The following KCNN2 variants were observed in gnomAD, a reference collection of about 807,000 sequenced individuals.
KCNN2 encodes the protein potassium calcium-activated channel subfamily N member 2.
In KCNN2, 24 loss-of-function variants were observed where a neutral mutation model predicts 55.5. The observed-to-expected ratio is 0.43, with a 90% CI of 0.31 to 0.61. The LOEUF is 0.61. KCNN2 is among the 20% of genes least tolerant of loss of function. KCNN2 has a pLI of 0.08. For missense variants in KCNN2, 754 were observed against 853.6 expected (o/e 0.88, Z 1.45); for synonymous variants, 431 against 336.1 (o/e 1.28, Z -3.09).
At chr5:114,452,152 A>G (rs1760721284) in intron 3 of KCNN2, among the ~76,000 whole-genome samples, 1 of 152,200 alleles carries the variant, frequency 6.6e-6, no homozygotes, top group African/African-American at 2.4e-5. Context: ...ACATTCTCAT[A>G]CGTTCTATAA....
At chr5:114,313,014 T>C (rs1408273647) in intron 2 of KCNN2, among the ~76,000 whole-genome samples, 2 of 152,142 alleles carry the variant, frequency 1.3e-5, no homozygotes, top group Non-Finnish European at 2.9e-5. Flanking sequence ...CTCTGGAACC[T>C]TGTTTTGATC....
At chr5:114,459,231 T>C (rs1377422211) in intron 3 of KCNN2, among the ~76,000 whole-genome samples, 1 of 152,220 alleles carries the variant, frequency 6.6e-6, no homozygotes, top group Non-Finnish European at 1.5e-5. Flanking sequence ...AAAGTCCTCA[T>C]TTTAAAAGCT....
intron 5 of KCNN2, among the ~76,000 whole-genome samples, chr5:114,478,056 C>T (rs1356689792): frequency 6.6e-6 from 1 of 152,122 alleles, no homozygotes; most frequent in Non-Finnish European, 1.5e-5. Flanking sequence ...CTACAACATT[C>T]ACCCAGGCCT....
chr5:114,316,501 C>T (rs569802512), intron 2 of KCNN2, among the ~76,000 whole-genome samples: 1 of 152,284 alleles, frequency 6.6e-6, no homozygotes, highest in South Asian at 2.1e-4. Context: ...CATTGCCCAG[C>T]TGGGGAGAAG....
At chr5:114,339,244 G>A (rs924705831) in intron 2 of KCNN2, among the ~76,000 whole-genome samples, 4 of 152,236 alleles carry the variant, frequency 2.6e-5, no homozygotes, top group African/African-American at 9.6e-5. Context: ...CGTGAAGGCT[G>A]AGGTCTTGTC....
At chr5:114,471,160 G>C (rs1399119367) in intron 4 of KCNN2, among the ~76,000 whole-genome samples, 2 of 152,072 alleles carry the variant, frequency 1.3e-5, no homozygotes, top group Non-Finnish European at 2.9e-5. Context: ...TCACAAATAA[G>C]AATATACAGT....
chr5:114,311,556 C>G (rs1458760641), intron 2 of KCNN2, among the ~76,000 whole-genome samples: 1 of 152,036 alleles, frequency 6.6e-6, no homozygotes, highest in Admixed American at 6.6e-5. Context: ...GAAAATTATT[C>G]TCATGTCATC....
intron 2 of KCNN2, chr5:114,253,872 T>C (rs988275026): frequency 2.6e-5 from 4 of 152,236 alleles, no homozygotes; most frequent in African/African-American, 9.6e-5. Flanking sequence ...GATTGTTAGA[T>C]GTATATTAAA....
intron 2 of KCNN2, among the ~76,000 whole-genome samples, chr5:114,291,443 G>A (rs568317551): frequency 3.3e-5 from 5 of 151,490 alleles, no homozygotes; most frequent in East Asian, 1.9e-4. Context: ...GGCAGTGTTC[G>A]GTTTTTTGTC....
chr5:114,355,634 G>GT (rs1183461764), intron 2 of KCNN2, among the ~76,000 whole-genome samples: 3 of 152,208 alleles, frequency 2.0e-5, no homozygotes, highest in African/African-American at 7.2e-5. Flanking sequence ...AGGAGAAGCA[G>GT]TGAGAGGACA....
At chr5:114,203,460 CA>C (rs1441985325) in intron 1 of KCNN2, among the ~76,000 whole-genome samples, 1 of 152,154 alleles carries the variant, frequency 6.6e-6, no homozygotes, top group Non-Finnish European at 1.5e-5. Context: ...TTCATCAGTG[CA>C]AATATAAATT....
chr5:114,378,299 A>G (rs937550949), intron 2 of KCNN2, among the ~76,000 whole-genome samples: 13 of 152,222 alleles, frequency 8.5e-5, no homozygotes, highest in African/African-American at 2.9e-4. Context: ...GCAAAATGAA[A>G]AATATTTGCT....
At chr5:114,482,939 T>C (rs1020739227) in intron 5 of KCNN2, among the ~76,000 whole-genome samples, 3 of 152,008 alleles carry the variant, frequency 2.0e-5, no homozygotes, top group African/African-American at 7.3e-5. Context: ...CTGGGTTTAA[T>C]AGCTGGGTGA....
intron 2 of KCNN2, among the ~76,000 whole-genome samples, chr5:114,289,568 G>T (rs1253219821): frequency 2.0e-5 from 3 of 151,952 alleles, no homozygotes; most frequent in Non-Finnish European, 4.4e-5. Flanking sequence ...GTCTAAATGG[G>T]GTTTCACCAT....
At chr5:114,286,233 C>T (rs374735102) in intron 2 of KCNN2, among the ~76,000 whole-genome samples, 130 of 152,132 alleles carry the variant, frequency 8.5e-4, no homozygotes, top group South Asian at 3.7e-3. Context: ...AGATCAGGAG[C>T]CACCAATGCA....
chr5:114,237,387 C>T (rs1754524714), intron 2 of KCNN2, among the ~76,000 whole-genome samples: 2 of 152,000 alleles, frequency 1.3e-5, no homozygotes, highest in South Asian at 4.1e-4. Flanking sequence ...ACATGTAAGC[C>T]CCTAGAACTT....
At chr5:114,138,389 G>C (rs1303468855) in intron 1 of KCNN2, among the ~76,000 whole-genome samples, 1 of 152,072 alleles carries the variant, frequency 6.6e-6, no homozygotes, top group Non-Finnish European at 1.5e-5. Context: ...ACCTAGAGGG[G>C]TTTAATATTT....
intron 2 of KCNN2, among the ~76,000 whole-genome samples, chr5:114,346,761 T>G (rs1403442559): frequency 9.6e-6 from 1 of 104,116 alleles, no homozygotes; most frequent in African/African-American, 3.5e-5. Context: ...GTTTTTAAAT[T>G]CATTCTCCAA....
At chr5:114,057,817 A>C (rs764814679) in intron 1 of KCNN2, among the ~76,000 whole-genome samples, 14 of 152,226 alleles carry the variant, frequency 9.2e-5, no homozygotes, top group Non-Finnish European at 1.3e-4. Context: ...TACCTTTAGT[A>C]ATCATGGAAA....
Sources: allele counts gnomAD v4.1 joint callset (sites outside exome capture counted in the v4.1 genomes callset), GRCh38; gene constraint gnomAD v4.1.1; transcripts MANE v1.5; gene names NCBI Gene and HGNC (gene_info 2026-07-23, HGNC 2026-07-21).